RPE65: variants seen among roughly 807,000 people sequenced by gnomAD.
The protein encoded by RPE65 is retinoid isomerohydrolase.
A neutral mutation model predicts 68.5 loss-of-function variants in RPE65; 58 were observed. The observed-to-expected ratio is 0.85, with a 90% CI of 0.69 to 1.05. The LOEUF is 1.05. RPE65 is among the 50% of genes least tolerant of loss of function. RPE65 has a pLI of 0.00. For missense variants in RPE65, 643 were observed against 629.9 expected, an observed-to-expected ratio of 1.02 and a Z score of -0.22; for synonymous variants, 220 against 222.2, an observed-to-expected ratio of 0.99 and a Z score of 0.09.
intron 3 of RPE65, among the ~76,000 whole-genome samples, chr1:68,445,504 TTTAATTAA>T (rs571468020): frequency 2.0e-5 from 3 of 152,034 alleles, no homozygotes; most frequent in South Asian, 4.2e-4. Context: ...ATTTTGTACT[TTTAATTAA>T]TTAATTAATT....
At chr1:68,431,921 C>CAAT (rs1645830000) in intron 10 of RPE65, among the ~76,000 whole-genome samples, 1 of 151,378 alleles carries the variant, frequency 6.6e-6, no homozygotes, top group South Asian at 2.1e-4. Context: ...ATCTCAAAAC[C>CAAT]AATAATAATA....
chr1:68,434,845 CTT>C (rs1645849848), intron 10 of RPE65, among the ~76,000 whole-genome samples: 1 of 152,090 alleles, frequency 6.6e-6, no homozygotes, highest in South Asian at 2.1e-4. Context: ...CTCACTGTAA[CTT>C]TGAACTCCTG....
In RPE65 at chr1:68,444,635, T is replaced by C. The variant is rs748951871; in HGVS notation, c.391A>G (p.Asn131Asp). Residue 131 changes from asparagine to aspartate, a missense_variant, in exon 5 of 14, where the codon AAT (asparagine) becomes GAT (aspartate). Physicochemically the swap from Asn to Asp is conservative, Grantham distance 23 (BLOSUM62 1). Coordinates refer to ENST00000262340, the MANE Select transcript of RPE65 (RefSeq NM_000329.3). ...SYFRGVEVTD[N>D]ALVNVYPVGE... ...ACTGGGTAGACATTAACAAGGGCAT[T>C]GTCAGTAACCTCTACTCCTCGAAAG... The C allele has an allele frequency of 6.2e-7, 1 of 1,614,162 alleles. No homozygotes were observed. Among genetic ancestry groups the C allele is most frequent in the South Asian group, 1.1e-5 (1 of 91,082 alleles).
intron 10 of RPE65, among the ~76,000 whole-genome samples, chr1:68,436,967 TAACTC>T (rs1487731021): frequency 2.6e-5 from 4 of 152,212 alleles, no homozygotes; most frequent in Non-Finnish European, 4.4e-5. Flanking sequence ...ACCATTTTCT[TAACTC>T]AACTACTTAT....
chr1:68,449,636 G>A (rs1645967864), intron 1 of RPE65, among the ~76,000 whole-genome samples: 1 of 152,086 alleles, frequency 6.6e-6, no homozygotes, highest in Middle Eastern at 3.2e-3. Context: ...GCAAGGAGTG[G>A]AGCCCAAGTC....
Position 68,431,539 on chromosome 1 carries a change from G to A in RPE65, c.1175C>T (p.Thr392Ile), listed in dbSNP as rs934488383. The change falls in exon 11 of 14, where the codon ACT becomes ATT. Residue 392 changes from threonine (T) to isoleucine (I), a missense_variant. Physicochemically the swap from Thr to Ile is moderately conservative, Grantham distance 89 (BLOSUM62 -1). Coordinates refer to ENST00000262340, the MANE Select transcript of RPE65 (RefSeq NM_000329.3). ...AGTCTCGTCACTGCACAGAATTGCA[G>A]TGGCAGTTGTATTGGGGAGCGTGAC... Reference protein sequence around the residue: ...NLVTLPNTTATAILCSDETIW... With the variant: ...NLVTLPNTTAIAILCSDETIW... The A allele has an allele frequency of 6.2e-7, 1 of 1,613,972 alleles. No homozygotes were observed. Among genetic ancestry groups the A allele is most frequent in the East Asian group, 2.2e-5 (1 of 44,876 alleles).
At chr1:68,431,728 C>A in intron 10 of RPE65, 143 bp from the exon 11 acceptor site, 2 of 725,424 alleles carry the variant, frequency 2.8e-6, no homozygotes, top group Admixed American at 2.0e-5. Flanking sequence ...GATGAGGGAC[C>A]CTGGGACGCG....
chr1:68,439,157 A>T (rs776985825), intron 8 of RPE65, 34 bp downstream of exon 8: 1 of 1,614,078 alleles, frequency 6.2e-7, no homozygotes, highest in South Asian at 1.1e-5. Flanking sequence ...TCTTCTTCAG[A>T]ATCACAAACT....
In RPE65 at chr1:68,431,161, C is replaced by T. The variant is rs1645823233; in HGVS notation, c.1354G>A (p.Val452Ile). ...FVPDRLCKLN[V>I]KTKETWVWQE... The stretch of plus-strand genomic sequence containing the variant: ...CAAACCCAAGTTTCTTTAGTTTTGA[C>T]ATTCAGCTTACAGAGCTGTTTGTGA... Residue 452 changes from valine to isoleucine, a missense_variant, in exon 13 of 14, where the codon GTC becomes ATC. By Grantham distance (29) the Val-to-Ile change is conservative. Transcript: ENST00000262340. 1.2e-6 allele frequency: 2 copies of T among 1,613,622 alleles called. No homozygotes were observed. The highest frequency in any genetic ancestry group is 1.6e-4 in the Middle Eastern group (1 of 6,084).
chr1:68,443,216 C>T (rs1202154147), intron 5 of RPE65, among the ~76,000 whole-genome samples: 2 of 152,238 alleles, frequency 1.3e-5, no homozygotes, highest in African/African-American at 2.4e-5. Flanking sequence ...TTCCCCTTGA[C>T]ATTAACTACT....
At chr1:68,448,521 G>A in intron 2 of RPE65, 103 bp downstream of exon 2, 1 of 1,054,400 alleles carries the variant, frequency 9.5e-7, no homozygotes, top group Non-Finnish European at 1.5e-6. Context: ...CCCTCTCCCT[G>A]TGACCCACAG....
At chr1:68,443,470 C>T (rs1645917722) in intron 5 of RPE65, among the ~76,000 whole-genome samples, 1 of 152,158 alleles carries the variant, frequency 6.6e-6, no homozygotes, top group Non-Finnish European at 1.5e-5. Flanking sequence ...GATTATTCTC[C>T]AGTTTTCATG....
At chr1:68,438,426 C>T (rs898460440) in intron 9 of RPE65, 110 bp from the exon 10 acceptor site, 6 of 1,311,820 alleles carry the variant, frequency 4.6e-6, no homozygotes, top group Non-Finnish European at 6.4e-6. Flanking sequence ...TTCCACAACC[C>T]AGAAACTGCT....
chr1:68,429,775 C>A lies in RPE65; in HGVS notation c.*1G>T. On this transcript the variant is annotated 3_prime_UTR_variant, in exon 14 of 14. Coordinates refer to ENST00000262340, the MANE Select transcript of RPE65 (RefSeq NM_000329.3). ...CAAAAACATATCTTGCTGGAGTATG[C>A]TCAAGATTTTTTGAACAGTCCATGA... 1 of 1,613,430 alleles carries A rather than the reference C, an allele frequency of 6.2e-7. No homozygotes were observed. Among genetic ancestry groups the A allele is most frequent in the Non-Finnish European group, 8.5e-7 (1 of 1,179,600 alleles).
intron 3 of RPE65, among the ~76,000 whole-genome samples, chr1:68,445,575 G>A (rs771891180): frequency 1.2e-4 from 18 of 151,936 alleles, no homozygotes; most frequent in South Asian, 2.1e-4. Context: ...GTGCAGTGGC[G>A]CAATCTTGGC....
chr1:68,446,718 G>T lies in RPE65; in HGVS notation c.237C>A (p.Tyr79Ter). The T allele has an allele frequency of 1.2e-6, 2 of 1,614,178 alleles. No individual in the cohort carries two copies. The highest frequency in any genetic ancestry group is 1.7e-6 in the Non-Finnish European group (2 of 1,180,030). Residue 79 changes from tyrosine (Y) to a stop codon, truncating the protein, a stop_gained, in exon 3 of 14, where the codon TAC becomes TAA. Transcript: ENST00000262340. LOFTEE classifies it high-confidence loss of function. ...KFDFKEGHVT[Y>*]HRRFIRTDAY... ...ATGGAGTGCTGCTTTACCTTCTGTG[G>T]TATGTGACATGTCCTTCTTTAAAGT...
intron 6 of RPE65, 114 bp downstream of exon 6, chr1:68,440,739 G>T: frequency 1.5e-6 from 2 of 1,360,702 alleles, no homozygotes; most frequent in Non-Finnish European, 2.1e-6. Context: ...AAGTCTGAGA[G>T]TAATTTAACT....
chr1:68,430,207 G>C (rs570876542), intron 13 of RPE65, among the ~76,000 whole-genome samples: 2 of 152,114 alleles, frequency 1.3e-5, no homozygotes, highest in Admixed American at 6.5e-5. Context: ...TGACTACAGC[G>C]TAGTAGGTAC....
chr1:68,449,658 C>G (rs1448758932), intron 1 of RPE65, among the ~76,000 whole-genome samples: 1 of 152,046 alleles, frequency 6.6e-6, no homozygotes, highest in Non-Finnish European at 1.5e-5. Context: ...GTCTGAAATC[C>G]CCATACTCAA....
Sources: allele counts gnomAD v4.1 joint callset (sites outside exome capture counted in the v4.1 genomes callset), GRCh38; gene constraint gnomAD v4.1.1; transcripts MANE v1.5; gene names NCBI Gene and HGNC (gene_info 2026-07-23, HGNC 2026-07-21).